CSMD1: variants seen among roughly 807,000 people sequenced by gnomAD.
The protein encoded by CSMD1 is CUB and Sushi multiple domains 1.
CSMD1 carries 213 observed loss-of-function variants against 417.5 expected under a neutral mutation model. That is an observed-to-expected ratio of 0.51 (90% CI 0.46 to 0.57). The LOEUF (loss-of-function observed/expected upper bound fraction) is 0.57, where lower values mean the gene tolerates loss of function less well. Ranked by LOEUF, CSMD1 falls within the 20% of genes least tolerant of loss-of-function variation. The pLI is 0.00. For missense variants in CSMD1, 6,923 were observed against 4,529.7 expected (o/e 1.53, Z -15.17); for synonymous variants, 2,862 against 1,736.8 (o/e 1.65, Z -16.11).
chr8:4,757,798 A>C (rs757043504), intron 1 of CSMD1, among the ~76,000 whole-genome samples: 2 of 151,942 alleles, frequency 1.3e-5, no homozygotes, highest in Non-Finnish European at 2.9e-5. Context: ...GTTTCTACTA[A>C]AAATAGGAAA....
intron 10 of CSMD1, among the ~76,000 whole-genome samples, chr8:3,501,373 A>G (rs1251091358): frequency 6.6e-6 from 1 of 152,212 alleles, no homozygotes; most frequent in Non-Finnish European, 1.5e-5. Flanking sequence ...GTTCTTCCGT[A>G]AACTACATTT....
At chr8:3,451,215 G>C (rs941158349) in intron 12 of CSMD1, among the ~76,000 whole-genome samples, 1 of 152,126 alleles carries the variant, frequency 6.6e-6, no homozygotes, top group Non-Finnish European at 1.5e-5. Flanking sequence ...CTGGATATTA[G>C]CCCTTTGTCA....
At chr8:4,869,082 G>C (rs1479333914) in intron 1 of CSMD1, among the ~76,000 whole-genome samples, 2 of 151,706 alleles carry the variant, frequency 1.3e-5, no homozygotes, top group Non-Finnish European at 2.9e-5. Context: ...AATTTTAAAA[G>C]AGAAACAATT....
Position 4,044,119 on chromosome 8 carries a change from G to A in CSMD1, c.416-12020C>T, listed in dbSNP as rs572549939. Among the ~76,000 whole-genome samples, 40 of 152,134 alleles carry A rather than the reference G, an allele frequency of 2.6e-4. 2 individuals carry two copies. In the East Asian group the frequency reaches 7.4e-3, roughly 28 times the overall value. ...GATATTATTTGATATGATATTTTCTGGCTCACATGTTCTCATCTTAACAGT... is the reference window on the plus strand; with the variant it reads ...GATATTATTTGATATGATATTTTCTAGCTCACATGTTCTCATCTTAACAGT... On this transcript the variant is annotated intron_variant, in intron 3 of 69. Transcript: ENST00000635120.
chr8:4,453,478 C>T (rs960979438), intron 2 of CSMD1, among the ~76,000 whole-genome samples: 1 of 152,192 alleles, frequency 6.6e-6, no homozygotes, highest in Non-Finnish European at 1.5e-5. Flanking sequence ...CGAAGTCTGG[C>T]TGAATTCAAA....
intron 3 of CSMD1, among the ~76,000 whole-genome samples, chr8:4,168,864 G>C (rs1310036853): frequency 1.3e-5 from 2 of 152,010 alleles, no homozygotes; most frequent in Admixed American, 6.6e-5. Context: ...AGTTGCTTTA[G>C]ACACGGTGAC....
intron 3 of CSMD1, among the ~76,000 whole-genome samples, chr8:4,077,568 C>G (rs1166512808): frequency 6.6e-6 from 1 of 152,014 alleles, no homozygotes; most frequent in Non-Finnish European, 1.5e-5. Flanking sequence ...CTGTAAACCA[C>G]TGCTATGCCT....
At chr8:4,694,732 C>G (rs1289069040) in intron 1 of CSMD1, among the ~76,000 whole-genome samples, 1 of 152,064 alleles carries the variant, frequency 6.6e-6, no homozygotes, top group Admixed American at 6.5e-5. Context: ...AAGCTGTGCC[C>G]AACCACCTTG....
At chr8:4,268,077 C>T (rs1169614141) in intron 3 of CSMD1, among the ~76,000 whole-genome samples, 1 of 152,058 alleles carries the variant, frequency 6.6e-6, no homozygotes, top group Non-Finnish European at 1.5e-5. Flanking sequence ...TCGCAATCCA[C>T]AAATTGAAAC....
At chr8:4,480,723 G>A (rs1428772167) in intron 2 of CSMD1, among the ~76,000 whole-genome samples, 3 of 152,194 alleles carry the variant, frequency 2.0e-5, no homozygotes, top group African/African-American at 4.8e-5. Flanking sequence ...ACCTGGTATA[G>A]AATCCACTTT....
In CSMD1 at chr8:4,776,493, G is replaced by C. The variant is rs532924866; in HGVS notation, c.86-138935C>G. Among the ~76,000 whole-genome samples the C allele has an allele frequency of 3.9e-5, 6 of 152,098 alleles. 1 individual carries two copies. Among genetic ancestry groups the C allele is most frequent in the Non-Finnish European group, 8.8e-5 (6 of 68,032 alleles). On this transcript the variant is annotated intron_variant, in intron 1 of 69. Coordinates refer to ENST00000635120, the MANE Select transcript of CSMD1 (RefSeq NM_033225.6). Reference sequence around the variant, plus strand: ...GAACAAGAAGCAGAGTTGTGGTTAGGAACCAACAGCGTCTCAGGGCCCCAT... The same window carrying C: ...GAACAAGAAGCAGAGTTGTGGTTAGCAACCAACAGCGTCTCAGGGCCCCAT...
chr8:3,392,640 G>A (rs900871884), intron 17 of CSMD1, among the ~76,000 whole-genome samples: 3 of 151,978 alleles, frequency 2.0e-5, no homozygotes, highest in Non-Finnish European at 4.4e-5. Context: ...ATCACCTCGA[G>A]GACTTGATTA....
intron 1 of CSMD1, among the ~76,000 whole-genome samples, chr8:4,661,338 A>T (rs1329647694): frequency 6.6e-6 from 1 of 152,222 alleles, no homozygotes; most frequent in Non-Finnish European, 1.5e-5. Context: ...TACATGCCAT[A>T]TACTGGATAC....
chr8:3,475,282 C>T (rs186103029), intron 11 of CSMD1, among the ~76,000 whole-genome samples: 2 of 152,148 alleles, frequency 1.3e-5, no homozygotes, highest in Non-Finnish European at 2.9e-5. Context: ...AAATTCTGAG[C>T]TCTCTGGGTG....
At chr8:3,967,949 C>T (rs1305085316) in intron 5 of CSMD1, among the ~76,000 whole-genome samples, 5 of 144,510 alleles carry the variant, frequency 3.5e-5, no homozygotes, top group African/African-American at 1.0e-4. Context: ...GTGCGGATCA[C>T]GAGGTCAGGA....
intron 5 of CSMD1, among the ~76,000 whole-genome samples, chr8:3,795,374 TATATCATGTATAGATATAG>T (rs1261939839): frequency 2.2e-5 from 1 of 45,928 alleles, no homozygotes; most frequent in Admixed American, 2.5e-4. Context: ...TATATAGATA[TATATCATGTATAGATATAG>T]ATATCTATCA....
chr8:3,026,571 G>A (rs1280634545), intron 51 of CSMD1, among the ~76,000 whole-genome samples: 1 of 151,672 alleles, frequency 6.6e-6, no homozygotes, highest in Non-Finnish European at 1.5e-5. Context: ...GGACCTCACC[G>A]GACCTCACTG....
chr8:4,430,460 G>A (rs114343603), intron 2 of CSMD1, among the ~76,000 whole-genome samples: 2 of 151,976 alleles, frequency 1.3e-5, no homozygotes, highest in African/African-American at 2.4e-5. Flanking sequence ...ATTTGGTTAT[G>A]GTGATTTAAT....
At chr8:3,270,543 G>C (rs747793628) in intron 26 of CSMD1, among the ~76,000 whole-genome samples, 6 of 152,158 alleles carry the variant, frequency 3.9e-5, no homozygotes, top group African/African-American at 9.7e-5. Context: ...AATTTTAAGT[G>C]ATCAAGAGTA....
Sources: allele counts gnomAD v4.1 joint callset (sites outside exome capture counted in the v4.1 genomes callset), GRCh38; gene constraint gnomAD v4.1.1; transcripts MANE v1.5; gene names NCBI Gene and HGNC (gene_info 2026-07-23, HGNC 2026-07-21).